The following MAP3K13 variants were observed in gnomAD, a reference collection of about 807,000 sequenced individuals.
MAP3K13 encodes leucine zipper-bearing kinase.
A neutral mutation model predicts 104.0 loss-of-function variants in MAP3K13; 52 were observed. The ratio of observed to expected loss-of-function variants is 0.50; its 90% CI spans 0.40 to 0.63. MAP3K13 has a LOEUF of 0.63. Among genes scored for constraint, MAP3K13 ranks in the 20% least tolerant of loss-of-function variants. MAP3K13 has a pLI of 0.00. For missense variants in MAP3K13, 914 were observed against 1,218.5 expected (o/e 0.75, Z 3.72); for synonymous variants, 394 against 442.2 (o/e 0.89, Z 1.37).
chr3:185,357,447 TAAAAAAAAAAAA>T (rs71162295), intron 2 of MAP3K13, among the ~76,000 whole-genome samples: 3 of 91,400 alleles, frequency 3.3e-5, no homozygotes, highest in African/African-American at 1.2e-4. Flanking sequence ...AAACTCCATC[TAAAAAAAAAAAA>T]AAAAAAAAGA....
intron 12 of MAP3K13, among the ~76,000 whole-genome samples, chr3:185,478,463 T>C (rs952590709): frequency 1.3e-5 from 2 of 152,158 alleles, no homozygotes; most frequent in African/African-American, 4.8e-5. Flanking sequence ...TGAAATCTGT[T>C]CTCATTCCCT....
At chr3:185,443,287 G>C (rs1293070256) in intron 3 of MAP3K13, among the ~76,000 whole-genome samples, 158 bp from the exon 4 acceptor site, 4 of 152,192 alleles carry the variant, frequency 2.6e-5, no homozygotes, top group African/African-American at 9.7e-5. Flanking sequence ...CTGTAGACTA[G>C]AGAAGTTTCC....
intron 2 of MAP3K13, among the ~76,000 whole-genome samples, chr3:185,354,035 C>A (rs1014675538): frequency 3.9e-5 from 6 of 152,144 alleles, no homozygotes; most frequent in East Asian, 1.9e-4. Context: ...TAAGGACAAG[C>A]CTTTATTCCC....
At chr3:185,421,599 T>G (rs1030158740) in intron 1 of MAP3K13, among the ~76,000 whole-genome samples, 1 of 152,218 alleles carries the variant, frequency 6.6e-6, no homozygotes, top group East Asian at 1.9e-4. Context: ...TTCAAAAATC[T>G]TGCCCCACTT....
chr3:185,477,107 C>T (rs967522118), intron 11 of MAP3K13: 16 of 656,322 alleles, frequency 2.4e-5, no homozygotes, highest in Non-Finnish European at 3.9e-5. Context: ...CAGTTCTACA[C>T]GTCTTCCAGC....
chr3:185,454,567 T>C (rs1308971158), intron 7 of MAP3K13, among the ~76,000 whole-genome samples: 2 of 117,628 alleles, frequency 1.7e-5, no homozygotes, highest in Admixed American at 2.1e-4. Flanking sequence ...ATATATATGA[T>C]ATATATGATA....
intron 11 of MAP3K13, among the ~76,000 whole-genome samples, chr3:185,474,160 T>TA (rs568814367): frequency 7.3e-5 from 11 of 151,614 alleles, no homozygotes; most frequent in East Asian, 1.9e-4. Flanking sequence ...CTGTCTCTAC[T>TA]AAAAAAAATA....
chr3:185,356,804 T>C (rs1723372502), intron 2 of MAP3K13, among the ~76,000 whole-genome samples: 1 of 152,138 alleles, frequency 6.6e-6, no homozygotes, highest in Admixed American at 6.5e-5. Context: ...CTGAACCATA[T>C]GGACTAAAAG....
intron 2 of MAP3K13, among the ~76,000 whole-genome samples, chr3:185,330,019 A>G (rs1722194990): frequency 8.0e-6 from 1 of 124,664 alleles, no homozygotes; most frequent in Non-Finnish European, 1.6e-5. Flanking sequence ...AGCTTGGATT[A>G]TAGGCGCCCG....
intron 1 of MAP3K13, among the ~76,000 whole-genome samples, chr3:185,364,378 C>T (rs558204094): frequency 1.4e-4 from 22 of 152,302 alleles, no homozygotes; most frequent in Non-Finnish European, 2.4e-4. Context: ...AATCTGACAG[C>T]ATTTCCCAAC....
intron 10 of MAP3K13, among the ~76,000 whole-genome samples, chr3:185,468,216 A>G (rs1223778255): frequency 6.6e-6 from 1 of 152,148 alleles, no homozygotes; most frequent in East Asian, 1.9e-4. Context: ...TGGAAACAAA[A>G]GCAGGGCCTT....
chr3:185,329,152 G>A (rs1458808060), intron 2 of MAP3K13: 3 of 696,804 alleles, frequency 4.3e-6, no homozygotes, highest in East Asian at 5.4e-5. Context: ...AAGCCGTGAG[G>A]TGTATCAGCA....
chr3:185,452,670 G>A (rs1378011984), intron 7 of MAP3K13, among the ~76,000 whole-genome samples: 3 of 152,130 alleles, frequency 2.0e-5, no homozygotes, highest in Admixed American at 1.3e-4. Flanking sequence ...TGAATTGTCA[G>A]GTCAGCTGGG....
At chr3:185,393,953 C>T (rs116487366) in intron 1 of MAP3K13, among the ~76,000 whole-genome samples, 67 of 151,994 alleles carry the variant, frequency 4.4e-4, no homozygotes, top group South Asian at 8.3e-4. Flanking sequence ...GATGTGATGA[C>T]GGTTAGCAAG....
In MAP3K13 at chr3:185,366,809, G is replaced by T. The variant is rs533120000; in HGVS notation, c.-86+3441G>T. 6.7e-4 allele frequency among the ~76,000 whole-genome samples: 102 copies of T among 152,252 alleles called. No homozygotes were observed. In the Middle Eastern group the frequency reaches 0.01, roughly 15 times the overall value. On this transcript the variant is annotated intron_variant, in intron 1 of 13. Coordinates refer to ENST00000265026, the MANE Select transcript of MAP3K13 (RefSeq NM_004721.5). ...TATCTTTTAATCCTGACTTGCAAGT[G>T]TCCTTTATATATTCTGGACACAAGC...
intron 2 of MAP3K13, among the ~76,000 whole-genome samples, chr3:185,336,933 C>T (rs1029996495): frequency 6.6e-6 from 1 of 152,108 alleles, no homozygotes; most frequent in South Asian, 2.1e-4. Context: ...TGTGTCTCAG[C>T]TCCTCAACCT....
At chr3:185,442,537 C>CT (rs374944629) in intron 3 of MAP3K13, among the ~76,000 whole-genome samples, 9,261 of 144,220 alleles carry the variant, frequency 0.064, 358 homozygotes, top group Non-Finnish European at 0.09. Flanking sequence ...CCTTTTTTTT[C>CT]TTTTTTTTTT....
Position 185,455,702 on chromosome 3 carries a change from TGA to T in MAP3K13, c.1278+4310_1278+4311del, listed in dbSNP as rs1170721049. 1.8e-3 allele frequency among the ~76,000 whole-genome samples: 25 copies of T among 13,970 alleles called. 1 individual carries two copies. The highest frequency in any genetic ancestry group is 3.9e-3 in the South Asian group (1 of 256). 9.2% of individuals were successfully genotyped at this position (13,970 alleles called of 152,430 possible). A position where few individuals can be genotyped will look rare whatever the true frequency, so the allele number is the denominator to read the frequency against. On this transcript the variant is annotated intron_variant, in intron 7 of 13. Transcript: ENST00000265026. ...ATGAGATATATATATGATATATATA[TGA>T]GATATATATGAGATATATATGATAT... is the stretch of plus-strand genomic sequence containing the variant.
At chr3:185,388,609 C>T (rs929085383) in intron 1 of MAP3K13, among the ~76,000 whole-genome samples, 1 of 152,032 alleles carries the variant, frequency 6.6e-6, no homozygotes, top group Admixed American at 6.6e-5. Context: ...GCCATATTAC[C>T]CAAAGCAATC....
Sources: allele counts gnomAD v4.1 joint callset (sites outside exome capture counted in the v4.1 genomes callset), GRCh38; gene constraint gnomAD v4.1.1; transcripts MANE v1.5; gene names NCBI Gene and HGNC (gene_info 2026-07-23, HGNC 2026-07-21).